Variants in VIPR2 observed in about 807,000 individuals in gnomAD.
VIPR2 encodes the protein vasoactive intestinal peptide receptor 2.
VIPR2 carries 48 observed loss-of-function variants against 58.0 expected under a neutral mutation model. That is an observed-to-expected ratio of 0.83 (90% CI 0.66 to 1.05). The LOEUF (loss-of-function observed/expected upper bound fraction) is 1.05. Ranked by LOEUF, VIPR2 falls within the 50% of genes least tolerant of loss-of-function variation. VIPR2 has a pLI of 0.00. For synonymous variants in VIPR2, 243 were observed against 235.2 expected, an observed-to-expected ratio of 1.03 and a Z score of -0.30; for missense variants, 534 against 558.0, an observed-to-expected ratio of 0.96 and a Z score of 0.43.
At chr7:159,043,238 C>T (rs554478997) in intron 5 of VIPR2, 62 bp from the exon 6 acceptor site, 4 of 1,419,666 alleles carry the variant, frequency 2.8e-6, no homozygotes, top group Admixed American at 2.0e-5. Flanking sequence ...GGAGAGAGAA[C>T]CAGACAGAGA....
At chr7:159,077,869 T>C (rs1245946941) in intron 4 of VIPR2, among the ~76,000 whole-genome samples, 2 of 152,236 alleles carry the variant, frequency 1.3e-5, no homozygotes, top group African/African-American at 2.4e-5. Flanking sequence ...TAACCTGGAC[T>C]GCAACTTGAG....
chr7:159,034,690 C>T, intron 8 of VIPR2, 40 bp from the exon 9 acceptor site: 1 of 1,581,210 alleles, frequency 6.3e-7, no homozygotes, highest in Non-Finnish European at 8.7e-7. Context: ...CCACCAACCA[C>T]TTTCGCAAGA....
Position 159,041,039 on chromosome 7 carries a change from C to T in VIPR2, c.597+1996G>A, listed in dbSNP as rs116654886. On this transcript the variant is annotated intron_variant, in intron 6 of 12. Coordinates refer to ENST00000262178, the MANE Select transcript of VIPR2 (RefSeq NM_003382.5). ...GCACTGGCTCTGTGCTGCTGGGCAT[C>T]GTGGGGCCCCACATGCACCTGGGCT... Among the ~76,000 whole-genome samples, 937 of 152,344 alleles carry T rather than the reference C, an allele frequency of 6.2e-3. 10 individuals are homozygous for T. Among genetic ancestry groups the T allele is most frequent in the African/African-American group, 0.021 (869 of 41,582 alleles).
At chr7:159,089,698 AAACAAC>A (rs200052492) in intron 4 of VIPR2, among the ~76,000 whole-genome samples, 3 of 152,128 alleles carry the variant, frequency 2.0e-5, no homozygotes, top group African/African-American at 7.2e-5. Flanking sequence ...TCCACTTGTA[AAACAAC>A]AACAACAACA....
intron 2 of VIPR2, among the ~76,000 whole-genome samples, chr7:159,132,892 T>TTAGA (rs1797010710): frequency 1.0e-4 from 13 of 126,920 alleles, no homozygotes; most frequent in East Asian, 4.3e-4. Flanking sequence ...CAGATTGATT[T>TTAGA]CAGACAGAAT....
rs146613963 is a variant in VIPR2, at chr7:159,137,004, T to G, written c.151+5442A>C. Among the ~76,000 whole-genome samples the G allele has an allele frequency of 5.8e-3, 884 of 152,096 alleles. 7 individuals carry two copies. Among genetic ancestry groups the G allele is most frequent in the African/African-American group, 0.02 (836 of 41,484 alleles). On this transcript the variant is annotated intron_variant, in intron 2 of 12. Coordinates refer to ENST00000262178, the MANE Select transcript of VIPR2 (RefSeq NM_003382.5). The stretch of plus-strand genomic sequence containing the variant: ...GGGGAGTGGAGAAGGCAGAGAGGTA[T>G]GCACCAGGAGAGGCCATCGACTGGT...
chr7:159,104,094 G>A (rs1345867371), intron 3 of VIPR2, among the ~76,000 whole-genome samples: 1 of 152,178 alleles, frequency 6.6e-6, no homozygotes, highest in East Asian at 1.9e-4. Context: ...TGTGTCATAA[G>A]TCATAATTAC....
At chr7:159,045,548 C>T (rs2129493559) in intron 5 of VIPR2, among the ~76,000 whole-genome samples, 1 of 152,202 alleles carries the variant, frequency 6.6e-6, no homozygotes, top group Middle Eastern at 3.4e-3. Context: ...CAGCTGGACC[C>T]CTACCTCACA....
At chr7:159,092,875 G>T (rs1857583804) in intron 4 of VIPR2, among the ~76,000 whole-genome samples, 1 of 152,084 alleles carries the variant, frequency 6.6e-6, no homozygotes, top group African/African-American at 2.4e-5. Context: ...TCATGGGCCT[G>T]GTGCTGGGCA....
At chr7:159,142,209 T>G (rs1390123295) in intron 2 of VIPR2, among the ~76,000 whole-genome samples, 1 of 152,236 alleles carries the variant, frequency 6.6e-6, no homozygotes, top group Non-Finnish European at 1.5e-5. Flanking sequence ...TCTCAAACCA[T>G]GGAAACTGTT....
At chr7:159,035,851 C>A in intron 8 of VIPR2, 101 bp downstream of exon 8, 1 of 1,508,424 alleles carries the variant, frequency 6.6e-7, no homozygotes, top group East Asian at 2.4e-5. Flanking sequence ...GCAAACGCTC[C>A]CTGTCCTTCC....
At position 159,128,469 on chromosome 7, in the gene VIPR2, T is replaced by C. The variant is rs1796738218; in HGVS notation, c.151+13977A>G. Among the ~76,000 whole-genome samples, 1 of 152,158 alleles carries C rather than the reference T, an allele frequency of 6.6e-6. No individual in the cohort carries two copies. The highest frequency in any genetic ancestry group is 2.4e-5 in the African/African-American group (1 of 41,448). On this transcript the variant is annotated intron_variant, in intron 2 of 12. Coordinates refer to ENST00000262178, the MANE Select transcript of VIPR2 (RefSeq NM_003382.5). This position sits in a 1 kb window ranked among gnomAD's most constrained non-coding sequence, Gnocchi z 4.1. ...TGGGCCCCCCTGGCCACTCCCCTCCTGCCTTGGGCCTCCCACCTGTGTGCT... is the reference window on the plus strand; with the variant it reads ...TGGGCCCCCCTGGCCACTCCCCTCCCGCCTTGGGCCTCCCACCTGTGTGCT...
At chr7:159,051,843 G>T (rs942131545) in intron 5 of VIPR2, among the ~76,000 whole-genome samples, 21 of 152,104 alleles carry the variant, frequency 1.4e-4, no homozygotes, top group Non-Finnish European at 1.5e-5. Context: ...ATGGTAAACA[G>T]TGAAAGAATT....
intron 4 of VIPR2, among the ~76,000 whole-genome samples, chr7:159,082,229 T>C (rs1856942023): frequency 6.6e-6 from 1 of 152,114 alleles, no homozygotes; most frequent in Admixed American, 6.5e-5. Flanking sequence ...TGTCCAACAA[T>C]GATAGACTGG....
Position 159,031,414 on chromosome 7 carries a change from C to G in VIPR2, c.1143+414G>C. On this transcript the variant is annotated intron_variant, in intron 12 of 12. Transcript: ENST00000262178. The surrounding 1 kb of genome is among the most constrained non-coding windows in gnomAD (Gnocchi z 4.0). ...GGAATGAACGCAGGGCAGAGCTCGG[C>G]TCCGGGCTTCCTCCCCAGGGACTCA... 7 of 984,054 alleles carry G rather than the reference C, an allele frequency of 7.1e-6. No individual in the cohort carries two copies. Among genetic ancestry groups the G allele is most frequent in the Non-Finnish European group, 8.4e-6 (7 of 828,674 alleles). 61.0% of individuals were successfully genotyped at this position (984,054 alleles called of 1,614,324 possible).
chr7:159,124,967 T>C (rs1796600805), intron 2 of VIPR2, among the ~76,000 whole-genome samples: 1 of 152,182 alleles, frequency 6.6e-6, no homozygotes, highest in Non-Finnish European at 1.5e-5. Flanking sequence ...AATGCTAGTG[T>C]TTTCTGTTCG....
chr7:159,091,226 T>G (rs552727262), intron 4 of VIPR2, among the ~76,000 whole-genome samples: 9 of 152,382 alleles, frequency 5.9e-5, no homozygotes, highest in African/African-American at 2.2e-4. Flanking sequence ...GTGAGGTTAA[T>G]AGAGGGCTTT....
chr7:159,106,440 C>CAG (rs61010332), intron 3 of VIPR2, among the ~76,000 whole-genome samples: 2,612 of 139,344 alleles, frequency 0.019, 112 homozygotes, highest in African/African-American at 0.066. Context: ...CAGGGAGGGG[C>CAG]AGAGAGGCCA....
chr7:159,032,108 C>T lies in VIPR2; in HGVS notation c.972-41G>A, dbSNP rs765468871. 2.0e-5 allele frequency: 33 copies of T among 1,611,308 alleles called. 2 individuals are homozygous for T. The highest frequency in any genetic ancestry group is 1.8e-4 in the South Asian group (16 of 90,476). Reference sequence around the variant, plus strand: ...TGAGCCAGCTCAGCTGCTGGACCCTCGGACCCTCTGCAAGCCTGGCTGGGT... The same window carrying T: ...TGAGCCAGCTCAGCTGCTGGACCCTTGGACCCTCTGCAAGCCTGGCTGGGT... On this transcript the variant is annotated intron_variant, in intron 10 of 12. Coordinates refer to ENST00000262178, the MANE Select transcript of VIPR2 (RefSeq NM_003382.5).
Sources: gnomAD v4.1 joint callset for allele counts (sites outside exome capture counted in the v4.1 genomes callset) on GRCh38, gnomAD v4.1.1 for gene constraint, Gnocchi (gnomAD v3.1) non-coding constraint, MANE v1.5 for transcripts, NCBI Gene and HGNC (gene_info 2026-07-23, HGNC 2026-07-21) for gene names.